RUNDC3B: variants seen among roughly 807,000 people sequenced by gnomAD.
RUNDC3B encodes RUN domain containing 3B, also known as RUN domain-containing protein 3B.
In RUNDC3B, 33 loss-of-function variants were observed where a neutral mutation model predicts 58.4. That is an observed-to-expected ratio of 0.56 (90% CI 0.43 to 0.75). The LOEUF (loss-of-function observed/expected upper bound fraction) is 0.75. RUNDC3B is among the 30% of genes least tolerant of loss of function. RUNDC3B has a pLI of 0.00. For synonymous variants in RUNDC3B, 193 were observed against 195.2 expected (o/e 0.99, Z 0.10); for missense variants, 501 against 535.7 (o/e 0.94, Z 0.64).
chr7:87,743,087 C>G (rs2130815895), intron 6 of RUNDC3B, among the ~76,000 whole-genome samples: 1 of 151,112 alleles, frequency 6.6e-6, no homozygotes, highest in East Asian at 2.0e-4. Context: ...GCACCCCAAC[C>G]TGGGTGACAG....
At chr7:87,639,368 TGTCA>T (rs2130276836) in intron 1 of RUNDC3B, among the ~76,000 whole-genome samples, 1 of 152,320 alleles carries the variant, frequency 6.6e-6, no homozygotes, top group South Asian at 2.1e-4. Context: ...ATGTGTATTC[TGTCA>T]TTGTTGATTG....
chr7:87,695,368 C>T (rs1828408732), intron 2 of RUNDC3B, among the ~76,000 whole-genome samples: 1 of 152,056 alleles, frequency 6.6e-6, no homozygotes, highest in Non-Finnish European at 1.5e-5. Context: ...TAATATTAAA[C>T]TGGCTTTTAT....
At chr7:87,720,241 C>A (rs1830795760) in intron 4 of RUNDC3B, among the ~76,000 whole-genome samples, 1 of 151,960 alleles carries the variant, frequency 6.6e-6, no homozygotes, top group South Asian at 2.1e-4. Context: ...TTTAACTTTT[C>A]TTATTATAAG....
intron 6 of RUNDC3B, among the ~76,000 whole-genome samples, chr7:87,768,459 G>A (rs1297172942): frequency 6.6e-6 from 1 of 152,232 alleles, no homozygotes; most frequent in Non-Finnish European, 1.5e-5. Flanking sequence ...GAGATTCCCT[G>A]AATCTGCACA....
intron 10 of RUNDC3B, among the ~76,000 whole-genome samples, chr7:87,819,539 A>G (rs925576633): frequency 4.6e-5 from 7 of 152,172 alleles, no homozygotes; most frequent in African/African-American, 1.7e-4. Context: ...AAGCAGACCT[A>G]ATAGACATCT....
At position 87,829,974 on chromosome 7, in the gene RUNDC3B, G is replaced by T; in HGVS notation, c.1315G>T (p.Asp439Tyr). ...GTCTCTAACAAGCTTAAAATCTAAT[G>T]ACTACCTTGCAAGTCCTACAACAGA... is the stretch of plus-strand genomic sequence containing the variant. ...YKSLTSLKSNDYLASPTTEMT... is the reference protein window; with the variant it reads ...YKSLTSLKSNYYLASPTTEMT... The change falls in exon 11 of 11, where the codon GAC (aspartate) becomes TAC (tyrosine). Residue 439 changes from aspartate to tyrosine, a missense_variant. By Grantham distance (160) the Asp-to-Tyr change is radical. Transcript: ENST00000394654. 6.2e-7 allele frequency: 1 copy of T among 1,609,594 alleles called. No individual in the cohort carries two copies. The highest frequency in any genetic ancestry group is 1.1e-5 in the South Asian group (1 of 90,418).
At chr7:87,697,676 T>C (rs1286676101) in intron 2 of RUNDC3B, among the ~76,000 whole-genome samples, 1 of 152,218 alleles carries the variant, frequency 6.6e-6, no homozygotes, top group Non-Finnish European at 1.5e-5. Context: ...TAATTAACAC[T>C]TATTTTGAAT....
At chr7:87,725,514 A>G (rs1023482050) in intron 4 of RUNDC3B, among the ~76,000 whole-genome samples, 1 of 152,154 alleles carries the variant, frequency 6.6e-6, no homozygotes, top group African/African-American at 2.4e-5. Context: ...GGTTAGTTCC[A>G]ACTCTTTGCT....
intron 3 of RUNDC3B, among the ~76,000 whole-genome samples, chr7:87,706,383 C>T (rs897852558): frequency 6.6e-6 from 1 of 151,824 alleles, no homozygotes; most frequent in Non-Finnish European, 1.5e-5. Context: ...GGAGTAGAAG[C>T]AGAGAATTTA....
intron 6 of RUNDC3B, among the ~76,000 whole-genome samples, chr7:87,746,314 C>A (rs1832638044): frequency 6.6e-6 from 1 of 152,098 alleles, no homozygotes; most frequent in South Asian, 2.1e-4. Flanking sequence ...ATTTGTTAAG[C>A]CCATTTGCTC....
chr7:87,775,806 A>G (rs1420799071), intron 7 of RUNDC3B, among the ~76,000 whole-genome samples: 1 of 152,192 alleles, frequency 6.6e-6, no homozygotes, highest in Non-Finnish European at 1.5e-5. Context: ...TAGCCTAGGA[A>G]CAATAGGCTA....
intron 2 of RUNDC3B, among the ~76,000 whole-genome samples, chr7:87,668,838 A>G (rs1241399444): frequency 1.3e-5 from 2 of 152,054 alleles, no homozygotes; most frequent in Admixed American, 6.6e-5. Flanking sequence ...GTGATCCAAG[A>G]GTGTGTTTGG....
chr7:87,831,540 T>A lies in RUNDC3B; in HGVS notation c.*1510T>A, dbSNP rs1054367126. ...GTGCCAGAACATATTCAGAGCTTTA[T>A]TCCTTTAAGCTTAAGGCTTCAATAC... On this transcript the variant is annotated 3_prime_UTR_variant, in exon 11 of 11. Transcript: ENST00000394654. 1 of 151,980 alleles carries A rather than the reference T, an allele frequency of 6.6e-6. No homozygotes were observed. Among genetic ancestry groups the A allele is most frequent in the African/African-American group, 2.4e-5 (1 of 41,436 alleles). The allele number at this position is 151,980 out of a possible 1,614,324, so 9.4% of individuals were successfully genotyped here.
chr7:87,743,975 G>C (rs1215384213), intron 6 of RUNDC3B, among the ~76,000 whole-genome samples: 2 of 152,112 alleles, frequency 1.3e-5, no homozygotes, highest in Non-Finnish European at 2.9e-5. Flanking sequence ...AATCCATCTT[G>C]AGTGATTTTT....
At chr7:87,710,030 G>A (rs1432748140) in intron 3 of RUNDC3B, among the ~76,000 whole-genome samples, 2 of 151,954 alleles carry the variant, frequency 1.3e-5, no homozygotes, top group East Asian at 3.9e-4. Flanking sequence ...ATTCTCTGGG[G>A]ACACCCAAAT....
At chr7:87,669,646 C>G (rs961009691) in intron 2 of RUNDC3B, among the ~76,000 whole-genome samples, 10 of 152,166 alleles carry the variant, frequency 6.6e-5, no homozygotes, top group Non-Finnish European at 1.0e-4. Flanking sequence ...CTTTCAAAAT[C>G]TCTTGTAAGG....
rs1554449114 is a variant in RUNDC3B, at chr7:87,638,371, G to GTA, written c.122+9427_122+9428insAT. On this transcript the variant is annotated intron_variant, in intron 1 of 10. Coordinates refer to ENST00000394654, the MANE Select transcript of RUNDC3B (RefSeq NM_001134405.2). The stretch of plus-strand genomic sequence containing the variant: ...TGTGTGTGTGTGTGTGTGTGTGTGT[G>GTA]TGTGTGTGTTTCCTCCCCTGTTCTG... 1.8e-3 allele frequency among the ~76,000 whole-genome samples: 273 copies of GTA among 151,760 alleles called. 1 individual carries two copies. Among genetic ancestry groups the GTA allele is most frequent in the African/African-American group, 6.3e-3 (260 of 41,374 alleles).
intron 8 of RUNDC3B, among the ~76,000 whole-genome samples, chr7:87,788,158 C>T (rs2130901523): frequency 6.6e-6 from 1 of 152,292 alleles, no homozygotes; most frequent in Non-Finnish European, 1.5e-5. Context: ...CACAGTGGCT[C>T]ATGCCAGTAA....
At position 87,831,500 on chromosome 7, in the gene RUNDC3B, T is replaced by G. The variant is rs935463603; in HGVS notation, c.*1470T>G. ...GACAAAGGCCTGGAAGCCCTTAAAA[T>G]AAGTTATCTTAGATGTGCCAGAACA... On this transcript the variant is annotated 3_prime_UTR_variant, in exon 11 of 11. Transcript: ENST00000394654. The G allele has an allele frequency of 2.0e-5, 3 of 151,964 alleles. No homozygotes were observed. Among genetic ancestry groups the G allele is most frequent in the African/African-American group, 7.2e-5 (3 of 41,432 alleles). The allele number at this position is 151,964 out of a possible 1,614,324, so 9.4% of individuals were successfully genotyped here.
Sources: gnomAD v4.1 joint callset for allele counts (sites outside exome capture counted in the v4.1 genomes callset) on GRCh38, gnomAD v4.1.1 for gene constraint, MANE v1.5 for transcripts, NCBI Gene and HGNC (gene_info 2026-07-23, HGNC 2026-07-21) for gene names.